Variants in GREB1L observed in about 807,000 individuals in gnomAD.
GREB1L encodes the protein GREB1-like protein.
A neutral mutation model predicts 200.8 loss-of-function variants in GREB1L; 17 were observed. The observed-to-expected ratio is 0.08, with a 90% confidence interval of 0.06 to 0.13. GREB1L has a LOEUF of 0.13. GREB1L is among the 10% of genes least tolerant of loss of function. The probability of loss-of-function intolerance (pLI) is 1.00; values close to 1 mark genes in which losing one functional copy is unlikely to be tolerated. For synonymous variants in GREB1L, 789 were observed against 893.0 expected (o/e 0.88, Z 2.08); for missense variants, 1,657 against 2,367.7 (o/e 0.70, Z 6.23).
chr18:21,253,066 CAG>C, intron 1 of GREB1L, among the ~76,000 whole-genome samples: 1 of 152,064 alleles, frequency 6.6e-6, no homozygotes, highest in African/African-American at 2.4e-5. Context: ...TGTTTTAAGA[CAG>C]AGCTTTGTTG....
chr18:21,467,630 T>C (rs1340477111), intron 15 of GREB1L, among the ~76,000 whole-genome samples: 1 of 152,210 alleles, frequency 6.6e-6, no homozygotes, highest in African/African-American at 2.4e-5. Flanking sequence ...CGTACACTGC[T>C]GTTAGGAATT....
chr18:21,365,320 G>A (rs1368461310), intron 1 of GREB1L, among the ~76,000 whole-genome samples: 1 of 151,994 alleles, frequency 6.6e-6, no homozygotes, highest in East Asian at 1.9e-4. Context: ...AAAAATCAAT[G>A]ACAAGTAGTT....
At chr18:21,356,013 G>A (rs1161264442) in intron 1 of GREB1L, among the ~76,000 whole-genome samples, 14 of 131,604 alleles carry the variant, frequency 1.1e-4, no homozygotes, top group Admixed American at 1.7e-4. Flanking sequence ...TTGAGATGGC[G>A]TCTCACTCTG....
rs1394377299 is a variant in GREB1L, at chr18:21,525,456, T to C, written c.*2635T>C. 6.6e-6 allele frequency: 1 copy of C among 152,222 alleles called. No homozygotes were observed. Among genetic ancestry groups the C allele is most frequent in the Non-Finnish European group, 1.5e-5 (1 of 68,044 alleles). 9.4% of individuals were successfully genotyped at this position (152,222 alleles called of 1,614,324 possible). On this transcript the variant is annotated 3_prime_UTR_variant, in exon 33 of 33. Coordinates refer to ENST00000424526, the MANE Select transcript of GREB1L (RefSeq NM_001142966.3). ...TTTCTTTATAGTTTTCTGGCATGTTTGTTAAGAAAACAAGCTCCCTGACTC... is the reference window on the plus strand; with the variant it reads ...TTTCTTTATAGTTTTCTGGCATGTTCGTTAAGAAAACAAGCTCCCTGACTC...
At chr18:21,458,267 G>A (rs559359024) in intron 15 of GREB1L, among the ~76,000 whole-genome samples, 1 of 152,016 alleles carries the variant, frequency 6.6e-6, no homozygotes, top group African/African-American at 2.4e-5. Flanking sequence ...CACCGCGCCC[G>A]GCCCAAGGAC....
At chr18:21,274,871 A>G (rs1201758410) in intron 1 of GREB1L, among the ~76,000 whole-genome samples, 2 of 151,268 alleles carry the variant, frequency 1.3e-5, no homozygotes, top group Non-Finnish European at 3.0e-5. Flanking sequence ...TGGGCAACAC[A>G]GCAAGACCCC....
intron 2 of GREB1L, among the ~76,000 whole-genome samples, chr18:21,376,190 G>C (rs191915314): frequency 6.6e-6 from 1 of 151,744 alleles, no homozygotes; most frequent in Non-Finnish European, 1.5e-5. Flanking sequence ...CGTGATCTCG[G>C]CTCACTGCAA....
chr18:21,414,291 A>T (rs1450928965), intron 7 of GREB1L, among the ~76,000 whole-genome samples: 1 of 152,228 alleles, frequency 6.6e-6, no homozygotes, highest in Non-Finnish European at 1.5e-5. Context: ...TTTTTGTCAT[A>T]TCACGTAAAA....
At chr18:21,506,218 A>T (rs1329926235) in intron 25 of GREB1L, among the ~76,000 whole-genome samples, 1 of 151,918 alleles carries the variant, frequency 6.6e-6, no homozygotes, top group Non-Finnish European at 1.5e-5. Context: ...ACATGGTGAA[A>T]CCCCGTCTCT....
chr18:21,359,398 C>T (rs2039551057), intron 1 of GREB1L, among the ~76,000 whole-genome samples: 4 of 151,928 alleles, frequency 2.6e-5, no homozygotes, highest in Middle Eastern at 3.4e-3. Context: ...TGCAGTGAGC[C>T]GAGATTGTGC....
At chr18:21,470,124 A>T (rs2035422957) in intron 15 of GREB1L, among the ~76,000 whole-genome samples, 2 of 144,370 alleles carry the variant, frequency 1.4e-5, no homozygotes, top group South Asian at 2.2e-4. Context: ...CATTTCTATT[A>T]AAAAAAAAAA....
chr18:21,512,948 A>G (rs1272216633), intron 27 of GREB1L, among the ~76,000 whole-genome samples: 2 of 152,034 alleles, frequency 1.3e-5, no homozygotes, highest in Non-Finnish European at 2.9e-5. Context: ...TTCATTTATC[A>G]CCTACGTTTT....
At chr18:21,446,179 C>T (rs1405879285) in intron 11 of GREB1L, among the ~76,000 whole-genome samples, 1 of 152,152 alleles carries the variant, frequency 6.6e-6, no homozygotes, top group Non-Finnish European at 1.5e-5. Flanking sequence ...CGTGAACCAC[C>T]ACACCCTGCT....
chr18:21,484,213 T>C (rs2036034500), intron 17 of GREB1L, among the ~76,000 whole-genome samples: 1 of 150,358 alleles, frequency 6.7e-6, no homozygotes. Flanking sequence ...TTTCACTCTG[T>C]CGCCCAGGCT....
intron 7 of GREB1L, among the ~76,000 whole-genome samples, chr18:21,421,910 G>A (rs1342819479): frequency 2.0e-5 from 3 of 152,092 alleles, no homozygotes; most frequent in Non-Finnish European, 4.4e-5. Flanking sequence ...GATTATTTTG[G>A]TATTTTTTTC....
chr18:21,260,549 A>G (rs1403413918), intron 1 of GREB1L, among the ~76,000 whole-genome samples: 1 of 152,006 alleles, frequency 6.6e-6, no homozygotes, highest in Non-Finnish European at 1.5e-5. Flanking sequence ...TTTTCCAGAG[A>G]CTTAACATGC....
chr18:21,446,907 T>C (rs1471480776), intron 11 of GREB1L, among the ~76,000 whole-genome samples: 1 of 152,154 alleles, frequency 6.6e-6, no homozygotes, highest in Non-Finnish European at 1.5e-5. Context: ...CAGAAAATCT[T>C]TGAAGTAGAT....
chr18:21,252,835 G>A (rs1326099649), intron 1 of GREB1L, among the ~76,000 whole-genome samples: 1 of 152,102 alleles, frequency 6.6e-6, no homozygotes, highest in East Asian at 1.9e-4. Context: ...CTCCAGCCTG[G>A]GTGACAGAGT....
intron 10 of GREB1L, 59 bp downstream of exon 10, chr18:21,441,596 T>A (rs2033905025): frequency 7.0e-7 from 1 of 1,435,570 alleles, no homozygotes; most frequent in African/African-American, 1.4e-5. Context: ...TGTTTTTCCA[T>A]TTCATTGTGT....
Sources: gnomAD v4.1 joint callset for allele counts (sites outside exome capture counted in the v4.1 genomes callset) on GRCh38, gnomAD v4.1.1 for gene constraint, MANE v1.5 for transcripts, NCBI Gene and HGNC (gene_info 2026-07-23, HGNC 2026-07-21) for gene names.